SUGCT: variants seen among roughly 807,000 people sequenced by gnomAD.
SUGCT encodes the protein succinyl-CoA:glutarate CoA-transferase.
Under a neutral mutation model 55.0 loss-of-function variants are expected in SUGCT, and 41 were observed. That is an observed-to-expected ratio of 0.74 (90% CI 0.58 to 0.97). SUGCT has a LOEUF of 0.97. Ranked by LOEUF, SUGCT falls within the 50% of genes least tolerant of loss-of-function variation. The pLI is 0.00. For missense variants in SUGCT, 568 were observed against 547.8 expected (o/e 1.04, Z -0.37); for synonymous variants, 187 against 200.4 (o/e 0.93, Z 0.56).
intron 13 of SUGCT, among the ~76,000 whole-genome samples, chr7:40,849,595 T>C (rs1793748351): frequency 6.6e-6 from 1 of 152,222 alleles, no homozygotes; most frequent in Admixed American, 6.5e-5. Flanking sequence ...GTTTGGTTTA[T>C]AGAAATGTAG....
chr7:40,300,070 T>A (rs1794442109), intron 8 of SUGCT, among the ~76,000 whole-genome samples: 1 of 152,212 alleles, frequency 6.6e-6, no homozygotes, highest in Non-Finnish European at 1.5e-5. Context: ...ATTGAAATTA[T>A]AAAATTGTTG....
chr7:40,462,116 C>T (rs1172931874), intron 11 of SUGCT, among the ~76,000 whole-genome samples: 1 of 152,114 alleles, frequency 6.6e-6, no homozygotes, highest in Non-Finnish European at 1.5e-5. Flanking sequence ...ATAATACAGG[C>T]CAGGACAAGG....
intron 12 of SUGCT, among the ~76,000 whole-genome samples, chr7:40,540,219 T>G (rs1794598399): frequency 6.6e-6 from 1 of 152,240 alleles, no homozygotes; most frequent in Non-Finnish European, 1.5e-5. Context: ...GTAATCTTGA[T>G]AATATGGAAT....
chr7:40,202,717 G>A (rs758378632), intron 6 of SUGCT, among the ~76,000 whole-genome samples: 28 of 152,248 alleles, frequency 1.8e-4, no homozygotes, highest in African/African-American at 6.5e-4. Flanking sequence ...TCTCCTCAGA[G>A]ACCTCAGATT....
the SUGCT span, among the ~76,000 whole-genome samples, chr7:41,035,396 C>T: frequency 6.6e-6 from 1 of 152,132 alleles, no homozygotes; most frequent in Non-Finnish European, 1.5e-5. Context: ...CCTGAAATAA[C>T]ATGCAAAATA....
chr7:40,338,209 A>C (rs1419310715), intron 9 of SUGCT, among the ~76,000 whole-genome samples: 1 of 152,072 alleles, frequency 6.6e-6, no homozygotes, highest in Non-Finnish European at 1.5e-5. Context: ...AGTTTGGTGA[A>C]TCTGACAATT....
intron 9 of SUGCT, among the ~76,000 whole-genome samples, chr7:40,359,947 T>C (rs1445553836): frequency 1.3e-5 from 2 of 152,178 alleles, no homozygotes; most frequent in Non-Finnish European, 2.9e-5. Flanking sequence ...TACTTACAAA[T>C]GTTAGAGAAA....
intron 13 of SUGCT, among the ~76,000 whole-genome samples, chr7:40,815,808 G>T (rs1791640680): frequency 6.6e-6 from 1 of 152,168 alleles, no homozygotes; most frequent in African/African-American, 2.4e-5. Flanking sequence ...ATACAGGTGA[G>T]TGGGTGCTCT....
At chr7:40,984,063 G>A in the SUGCT span, among the ~76,000 whole-genome samples, 1 of 152,032 alleles carries the variant, frequency 6.6e-6, no homozygotes, top group South Asian at 2.1e-4. Flanking sequence ...GAGCCCCAGT[G>A]GAAGCTCAGA....
chr7:40,330,801 A>AT (rs1401489317), intron 9 of SUGCT, among the ~76,000 whole-genome samples: 2 of 151,916 alleles, frequency 1.3e-5, no homozygotes, highest in African/African-American at 2.4e-5. Context: ...CTTACATATA[A>AT]TTTTCTTTTG....
chr7:40,248,877 C>T (rs866454056), intron 7 of SUGCT, among the ~76,000 whole-genome samples: 24 of 138,942 alleles, frequency 1.7e-4, no homozygotes, highest in East Asian at 4.4e-4. Context: ...TTCCAGCGCG[C>T]GCGCGCGCTC....
chr7:40,898,214 A>G, the SUGCT span, among the ~76,000 whole-genome samples: 1 of 152,168 alleles, frequency 6.6e-6, no homozygotes, highest in Non-Finnish European at 1.5e-5. Flanking sequence ...TATGAACTAT[A>G]ACACTCACTG....
chr7:40,961,953 T>G, the SUGCT span, among the ~76,000 whole-genome samples: 1 of 152,104 alleles, frequency 6.6e-6, no homozygotes, highest in East Asian at 1.9e-4. Flanking sequence ...GCAGCAAGAT[T>G]TATTGCAAAG....
At chr7:40,209,804 A>C (rs1307248856) in intron 6 of SUGCT, among the ~76,000 whole-genome samples, 1 of 147,164 alleles carries the variant, frequency 6.8e-6, no homozygotes, top group South Asian at 2.1e-4. Flanking sequence ...TCAAAACAAA[A>C]CAAACAAACA....
intron 6 of SUGCT, among the ~76,000 whole-genome samples, chr7:40,200,882 GA>G (rs1165234867): frequency 6.6e-6 from 1 of 152,128 alleles, no homozygotes; most frequent in African/African-American, 2.4e-5. Context: ...TAGTGTTTCA[GA>G]GTCAATAGCA....
At chr7:40,587,056 A>G (rs1265733790) in intron 12 of SUGCT, among the ~76,000 whole-genome samples, 2 of 152,248 alleles carry the variant, frequency 1.3e-5, no homozygotes, top group African/African-American at 2.4e-5. Flanking sequence ...TATATACTGT[A>G]TATTCCATTT....
At chr7:40,792,113 C>G (rs1245478996) in intron 13 of SUGCT, among the ~76,000 whole-genome samples, 1 of 152,072 alleles carries the variant, frequency 6.6e-6, no homozygotes, top group Non-Finnish European at 1.5e-5. Context: ...ATTTTTTATG[C>G]TCTGATGGGC....
intron 12 of SUGCT, among the ~76,000 whole-genome samples, chr7:40,564,192 T>C (rs1284334414): frequency 6.6e-6 from 1 of 152,038 alleles, no homozygotes; most frequent in African/African-American, 2.4e-5. Context: ...GCTAACACGG[T>C]GAAACCCCAT....
intron 11 of SUGCT, among the ~76,000 whole-genome samples, chr7:40,485,878 G>C (rs905357291): frequency 6.6e-6 from 1 of 152,052 alleles, no homozygotes; most frequent in Admixed American, 6.6e-5. Flanking sequence ...TTGTATCCCT[G>C]GGATAATCGT....
Sources: gnomAD v4.1 joint callset for allele counts (sites outside exome capture counted in the v4.1 genomes callset) on GRCh38, gnomAD v4.1.1 for gene constraint, MANE v1.5 for transcripts, NCBI Gene and HGNC (gene_info 2026-07-23, HGNC 2026-07-21) for gene names.